The following DLG2 variants were observed in gnomAD, a reference collection of about 807,000 sequenced individuals.
DLG2 encodes the protein discs large MAGUK scaffold protein 2.
DLG2 carries 45 observed loss-of-function variants against 132.5 expected under a neutral mutation model. The ratio of observed to expected loss-of-function variants is 0.34; its 90% CI spans 0.27 to 0.44. The LOEUF is 0.44. DLG2 is among the 20% of genes least tolerant of loss of function. The pLI is 1.00. For synonymous variants in DLG2, 424 were observed against 419.6 expected, an observed-to-expected ratio of 1.01 and a Z score of -0.13; for missense variants, 1,045 against 1,196.9, an observed-to-expected ratio of 0.87 and a Z score of 1.87.
At chr11:85,107,927 TA>T (rs5793156) in intron 6 of DLG2, among the ~76,000 whole-genome samples, 809 of 26,212 alleles carry the variant, frequency 0.031, 2 homozygotes, top group African/African-American at 0.053. Flanking sequence ...GGACAAGTCT[TA>T]AAAAAAAAAA....
At chr11:85,367,020 A>T (rs1353328719) in intron 3 of DLG2, among the ~76,000 whole-genome samples, 1 of 152,150 alleles carries the variant, frequency 6.6e-6, no homozygotes, top group Non-Finnish European at 1.5e-5. Flanking sequence ...TACTAAAGAT[A>T]CTGTTGCCTG....
chr11:84,941,024 A>G (rs1028239737), intron 6 of DLG2, among the ~76,000 whole-genome samples: 27 of 152,206 alleles, frequency 1.8e-4, no homozygotes, highest in African/African-American at 6.3e-4. Flanking sequence ...TTTGTCAAGA[A>G]TGAGTTCACT....
At chr11:85,388,950 G>A (rs969921480) in intron 3 of DLG2, among the ~76,000 whole-genome samples, 1 of 152,052 alleles carries the variant, frequency 6.6e-6, no homozygotes, top group Non-Finnish European at 1.5e-5. Flanking sequence ...GTTCTCTAAT[G>A]CCCCCAAAAG....
chr11:84,675,758 A>G (rs962858390), intron 6 of DLG2, among the ~76,000 whole-genome samples: 2 of 152,050 alleles, frequency 1.3e-5, no homozygotes, highest in African/African-American at 2.4e-5. Flanking sequence ...CTCACTTCTC[A>G]TCCCTTTTAC....
At chr11:85,296,766 T>C (rs2079249218) in intron 3 of DLG2, among the ~76,000 whole-genome samples, 2 of 151,380 alleles carry the variant, frequency 1.3e-5, no homozygotes, top group Admixed American at 1.3e-4. Flanking sequence ...AAAAAGAACA[T>C]GCTTGTAAAC....
intron 18 of DLG2, among the ~76,000 whole-genome samples, chr11:83,779,248 G>A (rs977819648): frequency 5.9e-5 from 9 of 152,088 alleles, no homozygotes; most frequent in Admixed American, 1.3e-4. Context: ...GGGTGTGCAC[G>A]AAGAAGGTAG....
intron 22 of DLG2, among the ~76,000 whole-genome samples, chr11:83,476,072 T>C (rs1347676128): frequency 6.6e-6 from 1 of 152,048 alleles, no homozygotes; most frequent in Non-Finnish European, 1.5e-5. Context: ...AAATTGCCAT[T>C]CTTTAGGAAT....
intron 15 of DLG2, among the ~76,000 whole-genome samples, chr11:83,887,552 C>T (rs1229953383): frequency 6.6e-6 from 1 of 151,992 alleles, no homozygotes; most frequent in Non-Finnish European, 1.5e-5. Context: ...CCTTGTGAAA[C>T]TATTCCAATC....
chr11:85,598,441 T>G (rs2079933191), intron 3 of DLG2, among the ~76,000 whole-genome samples: 1 of 152,146 alleles, frequency 6.6e-6, no homozygotes, highest in African/African-American at 2.4e-5. Context: ...AACCTCTTTT[T>G]ATTTATATTT....
chr11:85,540,847 G>A (rs1156763611), intron 3 of DLG2, among the ~76,000 whole-genome samples: 2 of 152,220 alleles, frequency 1.3e-5, no homozygotes, highest in African/African-American at 2.4e-5. Flanking sequence ...GAGCAGCCAG[G>A]CACCAAAGAA....
At chr11:83,687,714 C>T (rs7481474) in intron 18 of DLG2, among the ~76,000 whole-genome samples, 3 of 151,964 alleles carry the variant, frequency 2.0e-5, no homozygotes, top group Non-Finnish European at 4.4e-5. Context: ...GAAGTTTGTT[C>T]TGAAATGTTT....
intron 4 of DLG2, among the ~76,000 whole-genome samples, chr11:85,200,741 A>C (rs1393773014): frequency 2.6e-5 from 4 of 152,130 alleles, no homozygotes; most frequent in Admixed American, 6.5e-5. Flanking sequence ...CATTAGAGCC[A>C]ATGAGAAGGG....
intron 3 of DLG2, among the ~76,000 whole-genome samples, chr11:85,407,908 GGA>G (rs1259627247): frequency 2.0e-5 from 3 of 151,660 alleles, no homozygotes; most frequent in Non-Finnish European, 4.4e-5. Flanking sequence ...CCTCAAGCAT[GGA>G]GAGGCACATA....
chr11:85,534,864 A>G (rs1228138489), intron 3 of DLG2, among the ~76,000 whole-genome samples: 1 of 152,132 alleles, frequency 6.6e-6, no homozygotes, highest in Non-Finnish European at 1.5e-5. Context: ...CAATAATGGG[A>G]TTGCTGCGTT....
chr11:85,165,999 A>T (rs2078413216), intron 4 of DLG2, among the ~76,000 whole-genome samples: 1 of 152,250 alleles, frequency 6.6e-6, no homozygotes, highest in South Asian at 2.1e-4. Flanking sequence ...TCATCCTTTC[A>T]AATTGTGGTC....
chr11:84,558,416 C>T (rs1458693471), intron 6 of DLG2, among the ~76,000 whole-genome samples: 2 of 152,100 alleles, frequency 1.3e-5, no homozygotes, highest in African/African-American at 4.8e-5. Context: ...ATGCTTCTTT[C>T]CTAAAAATTG....
chr11:84,273,130 A>G lies in DLG2; in HGVS notation c.520-21839T>C. The G allele has an allele frequency of 2.7e-6, 4 of 1,496,094 alleles. No homozygotes were observed. The African/African-American group carries it at 4.3e-5, about 16-fold the overall frequency. 92.7% of individuals were successfully genotyped at this position (1,496,094 alleles called of 1,614,324 possible). A position where few individuals can be genotyped will look rare whatever the true frequency, so the allele number is the denominator to read the frequency against. On this transcript the variant is annotated intron_variant, in intron 7 of 27. Coordinates refer to ENST00000376104, the MANE Select transcript of DLG2 (RefSeq NM_001142699.3). ...AATAAATAAAAGAATCCCTAGGAAA[A>G]TAAAAGAAAATTTTCCTTACCGGAA...
chr11:85,623,244 T>A (rs942990127), intron 2 of DLG2, among the ~76,000 whole-genome samples: 1 of 152,154 alleles, frequency 6.6e-6, no homozygotes, highest in East Asian at 1.9e-4. Context: ...TAAAGGGTCA[T>A]ATAAATAAAT....
intron 16 of DLG2, among the ~76,000 whole-genome samples, chr11:83,855,075 C>T (rs949823717): frequency 2.0e-5 from 3 of 152,168 alleles, no homozygotes; most frequent in Admixed American, 6.6e-5. Flanking sequence ...GAAAAGACGC[C>T]TCACATCATA....
Sources: allele counts gnomAD v4.1 joint callset (sites outside exome capture counted in the v4.1 genomes callset), GRCh38; gene constraint gnomAD v4.1.1; transcripts MANE v1.5; gene names NCBI Gene and HGNC (gene_info 2026-07-23, HGNC 2026-07-21).